The following TBC1D24 variants were observed in gnomAD, a reference collection of about 807,000 sequenced individuals.
The protein encoded by TBC1D24 is TBC1 domain family member 24.
TBC1D24 carries 47 observed loss-of-function variants against 50.7 expected under a neutral mutation model. The observed-to-expected ratio is 0.93, with a 90% CI of 0.73 to 1.18. The LOEUF (loss-of-function observed/expected upper bound fraction) is 1.18, where lower values mean the gene tolerates loss of function less well. TBC1D24 is among the 50% of genes most tolerant of loss of function. The pLI is 0.00. For synonymous variants in TBC1D24, 324 were observed against 335.2 expected (o/e 0.97, Z 0.36); for missense variants, 688 against 766.5 (o/e 0.90, Z 1.21).
rs571126287 is a variant in TBC1D24, at chr16:2,496,796, G to A, written c.648G>A (p.Leu216=). The part of the protein sequence containing the change: ...LQVYADWQRW[L]FGELPLCYFA... ...TCTATGCGGACTGGCAGCGCTGGCT[G>A]TTTGGGGAGCTGCCCCTCTGCTACT... The change falls in exon 2 of 8, where the codon CTG becomes CTA. Residue 216 remains leucine (L), a synonymous_variant. Transcript: ENST00000646147. 2 of 1,614,012 alleles carry A rather than the reference G, an allele frequency of 1.2e-6. No individual in the cohort carries two copies. Among genetic ancestry groups the A allele is most frequent in the South Asian group, 1.1e-5 (1 of 91,084 alleles).
chr16:2,475,595 G>A lies in TBC1D24; in HGVS notation c.-116+425G>A, dbSNP rs1346571292. Among the ~76,000 whole-genome samples, 1 of 151,924 alleles carries A rather than the reference G, an allele frequency of 6.6e-6. No homozygotes were observed. The highest frequency in any genetic ancestry group is 1.5e-5 in the Non-Finnish European group (1 of 67,990). On this transcript the variant is annotated intron_variant, in intron 1 of 7. Coordinates refer to ENST00000646147, the MANE Select transcript of TBC1D24 (RefSeq NM_001199107.2). This position sits in a 1 kb window ranked among gnomAD's most constrained non-coding sequence, Gnocchi z 4.2. Reference sequence around the variant, plus strand: ...ATACGCCCTGCCCTGTGGACCTGCAGCGGCCCCGGGCCCCGCCCCGCCCCG... The same window carrying A: ...ATACGCCCTGCCCTGTGGACCTGCAACGGCCCCGGGCCCCGCCCCGCCCCG...
chr16:2,488,731 G>A (rs1025470956), intron 1 of TBC1D24, among the ~76,000 whole-genome samples: 5 of 148,158 alleles, frequency 3.4e-5, no homozygotes, highest in Admixed American at 1.3e-4. Context: ...GATTACAGGT[G>A]TGAGCCACCG....
rs897242532 is a variant in TBC1D24, at chr16:2,487,615, G to A, written c.-115-8419G>A. Among the ~76,000 whole-genome samples, 4 of 149,630 alleles carry A rather than the reference G, an allele frequency of 2.7e-5. No homozygotes were observed. The highest frequency in any genetic ancestry group is 6.0e-5 in the Non-Finnish European group (4 of 66,568). On this transcript the variant is annotated intron_variant, in intron 1 of 7. Coordinates refer to ENST00000646147, the MANE Select transcript of TBC1D24 (RefSeq NM_001199107.2). The surrounding 1 kb of genome is among the most constrained non-coding windows in gnomAD (Gnocchi z 4.1). ...GCCTGGAGTTTGGTGCTGGAGTTTTGTGCTGGAGTTTGGTGTTGGAGTTTG... is the reference window on the plus strand; with the variant it reads ...GCCTGGAGTTTGGTGCTGGAGTTTTATGCTGGAGTTTGGTGTTGGAGTTTG...
At position 2,475,344 on chromosome 16, in the gene TBC1D24, C is replaced by A. The variant is rs1303747251; in HGVS notation, c.-116+174C>A. On this transcript the variant is annotated intron_variant, in intron 1 of 7. Coordinates refer to ENST00000646147, the MANE Select transcript of TBC1D24 (RefSeq NM_001199107.2). This position sits in a 1 kb window ranked among gnomAD's most constrained non-coding sequence, Gnocchi z 4.2. ...CGCGCGGGTTGGGGGCTCCAGAGCC[C>A]GGCACCGCCCGGCGCTGCAGCTGCG... is the stretch of plus-strand genomic sequence containing the variant. Among the ~76,000 whole-genome samples the A allele has an allele frequency of 6.6e-6, 1 of 151,270 alleles. No homozygotes were observed. The highest frequency in any genetic ancestry group is 1.5e-5 in the Non-Finnish European group (1 of 67,676).
chr16:2,486,398 G>T lies in TBC1D24; in HGVS notation c.-115-9636G>T, dbSNP rs2065651329. ...GGAAGAAGTGAGACGAGCGGCAGCT[G>T]ACGCCCATGCCCTGTTCTGTGGCCC... On this transcript the variant is annotated intron_variant, in intron 1 of 7. Coordinates refer to ENST00000646147, the MANE Select transcript of TBC1D24 (RefSeq NM_001199107.2). This position sits in a 1 kb window ranked among gnomAD's most constrained non-coding sequence, Gnocchi z 5.8. Among the ~76,000 whole-genome samples the T allele has an allele frequency of 6.6e-6, 1 of 152,256 alleles. No individual in the cohort carries two copies. Among genetic ancestry groups the T allele is most frequent in the Non-Finnish European group, 1.5e-5 (1 of 68,038 alleles).
intron 1 of TBC1D24, among the ~76,000 whole-genome samples, chr16:2,494,842 A>C (rs2065724127): frequency 6.6e-6 from 1 of 152,164 alleles, no homozygotes. Context: ...GCTTCTCAAA[A>C]GTCACTTATC....
At chr16:2,493,443 A>G (rs955076899) in intron 1 of TBC1D24, among the ~76,000 whole-genome samples, 4 of 152,170 alleles carry the variant, frequency 2.6e-5, no homozygotes, top group African/African-American at 4.8e-5. Context: ...CCGGCCTAAC[A>G]TGGTAAATTT....
rs1004946712 is a variant in TBC1D24, at chr16:2,496,948, A to G, written c.800A>G (p.Gln267Arg). ...GQPLESDSVK[Q>R]DIRTFVRDIA... ...CCGCTGGAGTCGGACAGCGTGAAGC[A>G]GGACATCCGCACGTTCGTCAGAGAC... is the stretch of plus-strand genomic sequence containing the variant. Residue 267 changes from glutamine (Q) to arginine (R), a missense_variant, in exon 2 of 8, where the codon CAG (glutamine) becomes CGG (arginine). Transcript: ENST00000646147. The G allele has an allele frequency of 8.7e-6, 14 of 1,613,920 alleles. No individual in the cohort carries two copies. The highest frequency in any genetic ancestry group is 1.1e-5 in the Non-Finnish European group (13 of 1,180,054).
chr16:2,496,033 G>A lies in TBC1D24; in HGVS notation c.-115-1G>A. ...CTAAAAGTGTTTTTTTAATCCTGCAGGGTGTGAGATGGCAGACAGGTTTGC... is the reference window on the plus strand; with the variant it reads ...CTAAAAGTGTTTTTTTAATCCTGCAAGGTGTGAGATGGCAGACAGGTTTGC... On this transcript the variant is annotated splice_acceptor_variant, in intron 1 of 7. Coordinates refer to ENST00000646147, the MANE Select transcript of TBC1D24 (RefSeq NM_001199107.2). LOFTEE classifies it low-confidence loss of function (5UTR_SPLICE). The A allele has an allele frequency of 2.3e-6, 3 of 1,312,868 alleles. No homozygotes were observed. The highest frequency in any genetic ancestry group is 3.2e-6 in the Non-Finnish European group (3 of 935,022). 81.3% of individuals were successfully genotyped at this position (1,312,868 alleles called of 1,614,324 possible). A position where few individuals can be genotyped will look rare whatever the true frequency, so the allele number is the denominator to read the frequency against.
intron 3 of TBC1D24, 66 bp downstream of exon 3, chr16:2,497,793 T>A: frequency 1.4e-6 from 2 of 1,476,800 alleles, no homozygotes; most frequent in Non-Finnish European, 1.8e-6. Flanking sequence ...CTAGGCCAGC[T>A]GCTTGCTCTG....
intron 4 of TBC1D24, among the ~76,000 whole-genome samples, chr16:2,498,916 A>T (rs1390443245): frequency 3.3e-5 from 5 of 152,238 alleles, no homozygotes; most frequent in African/African-American, 1.2e-4. Flanking sequence ...TCACAGGTTC[A>T]TAACAACTCA....
At position 2,500,964 on chromosome 16, in the gene TBC1D24, T is replaced by G. The variant is rs748472068; in HGVS notation, c.*6T>G. 5 of 1,608,818 alleles carry G rather than the reference T, an allele frequency of 3.1e-6. No individual in the cohort carries two copies. The East Asian group carries it at 1.1e-4, about 36-fold the overall frequency. On this transcript the variant is annotated 3_prime_UTR_variant, in exon 8 of 8. Coordinates refer to ENST00000646147, the MANE Select transcript of TBC1D24 (RefSeq NM_001199107.2). This position sits in a 1 kb window ranked among gnomAD's most constrained non-coding sequence, Gnocchi z 8.0. ...AGGACCCTGACACCCAGTGACGGCC[T>G]GTGCCACGGTGACTGAGCCGTGGTG... is the stretch of plus-strand genomic sequence containing the variant.
In TBC1D24 at chr16:2,499,540, C is replaced by G. The variant is rs571035806; in HGVS notation, c.1206+120C>G. The G allele has an allele frequency of 2.6e-5, 24 of 926,872 alleles. 1 individual carries two copies. The East Asian group carries it at 4.4e-4, about 17-fold the overall frequency. The allele number at this position is 926,872 out of a possible 1,614,324, so 57.4% of individuals were successfully genotyped here. A position where few individuals can be genotyped will look rare whatever the true frequency, so the allele number is the denominator to read the frequency against. ...AGGCCTCCTGGGCCAGATCCAGAGT[C>G]AGAGCGTGGGTATGGCCAGCACATG... On this transcript the variant is annotated intron_variant, in intron 5 of 7. Transcript: ENST00000646147. This position sits in a 1 kb window ranked among gnomAD's most constrained non-coding sequence, Gnocchi z 4.0.
intron 1 of TBC1D24, chr16:2,477,571 AC>A (rs2065578777): frequency 6.6e-6 from 1 of 152,288 alleles, no homozygotes; most frequent in Non-Finnish European, 1.5e-5. Flanking sequence ...TCTCTGAAAA[AC>A]AAAACAATAA....
intron 1 of TBC1D24, among the ~76,000 whole-genome samples, chr16:2,488,789 G>A (rs1447498379): frequency 7.5e-5 from 11 of 147,520 alleles, no homozygotes; most frequent in Non-Finnish European, 1.3e-4. Flanking sequence ...GGCCGGGCGC[G>A]GTGGCTCACG....
At chr16:2,480,581 G>C (rs1313036465) in intron 1 of TBC1D24, 2 of 151,946 alleles carry the variant, frequency 1.3e-5, no homozygotes, top group African/African-American at 2.4e-5. Context: ...GTTGTTTACT[G>C]GTGGGCCATT....
chr16:2,488,969 C>T (rs2065674093), intron 1 of TBC1D24, among the ~76,000 whole-genome samples: 1 of 149,474 alleles, frequency 6.7e-6, no homozygotes, highest in African/African-American at 2.5e-5. Flanking sequence ...ACTTGGGAGG[C>T]TGAGGCAGAA....
Position 2,496,035 on chromosome 16 carries a change from G to C in TBC1D24, c.-114G>C, listed in dbSNP as rs1003893686. The C allele has an allele frequency of 7.5e-7, 1 of 1,338,108 alleles. No homozygotes were observed. The highest frequency in any genetic ancestry group is 1.0e-6 in the Non-Finnish European group (1 of 953,526). 82.9% of individuals were successfully genotyped at this position (1,338,108 alleles called of 1,614,324 possible). On this transcript the variant is annotated splice_region_variant and 5_prime_UTR_variant, in exon 2 of 8. Transcript: ENST00000646147. ...AAAAGTGTTTTTTTAATCCTGCAGGGTGTGAGATGGCAGACAGGTTTGCAG... is the reference window on the plus strand; with the variant it reads ...AAAAGTGTTTTTTTAATCCTGCAGGCTGTGAGATGGCAGACAGGTTTGCAG...
At chr16:2,492,042 G>A (rs1163802154) in intron 1 of TBC1D24, among the ~76,000 whole-genome samples, 1 of 150,372 alleles carries the variant, frequency 6.7e-6, no homozygotes. Flanking sequence ...GTCTCATTAT[G>A]TTGCCCAGGC....
Sources: gnomAD v4.1 joint callset for allele counts (sites outside exome capture counted in the v4.1 genomes callset) on GRCh38, gnomAD v4.1.1 for gene constraint, Gnocchi (gnomAD v3.1) non-coding constraint, MANE v1.5 for transcripts, NCBI Gene and HGNC (gene_info 2026-07-23, HGNC 2026-07-21) for gene names.